Variants in UGT2B7 observed in about 807,000 individuals in gnomAD.
The protein encoded by UGT2B7 is UDP glucuronosyltransferase family 2 member B7.
UGT2B7 carries 51 observed loss-of-function variants against 51.9 expected under a neutral mutation model. That is an observed-to-expected ratio of 0.98 (90% CI 0.78 to 1.24). The LOEUF (loss-of-function observed/expected upper bound fraction) is 1.24. UGT2B7 is among the 50% of genes most tolerant of loss of function. The probability of loss-of-function intolerance (pLI) is 0.00; values close to 1 mark genes in which losing one functional copy is unlikely to be tolerated. For synonymous variants in UGT2B7, 225 were observed against 211.6 expected, an observed-to-expected ratio of 1.06 and a Z score of -0.55; for missense variants, 727 against 628.4, an observed-to-expected ratio of 1.16 and a Z score of -1.68.
In UGT2B7 at chr4:69,081,075, G is replaced by T. The variant is rs201078418; in HGVS notation, c.-158-8397G>T. Among the ~76,000 whole-genome samples, 18 of 152,238 alleles carry T rather than the reference G, an allele frequency of 1.2e-4. No individual in the cohort carries two copies. The East Asian group carries it at 3.1e-3, about 26-fold the overall frequency. On this transcript the variant is annotated intron_variant, in intron 1 of 5. Transcript: ENST00000502942. ...AGGAAGTTATAATTATTTACATAGA[G>T]AAATATTATTACTAAATTAATCACT...
At chr4:69,062,132 C>G (rs1200320546) in intron 1 of UGT2B7, among the ~76,000 whole-genome samples, 2 of 152,090 alleles carry the variant, frequency 1.3e-5, no homozygotes, top group African/African-American at 4.8e-5. Flanking sequence ...AGCACATGAA[C>G]CAGATACTCA....
rs758473436 is a variant in UGT2B7, at chr4:69,096,778, G to A, written c.258G>A (p.Leu86=). ...CCACATCTTTAACTAAAACTGAGTT[G>A]GAGAATTTCATCATGCAACAGATTA... is the stretch of plus-strand genomic sequence containing the variant. ...IYPTSLTKTE[L]ENFIMQQIKR... is the part of the protein sequence containing the mutation. Residue 86 remains leucine, a synonymous_variant, in exon 1 of 6, where the codon TTG becomes TTA. Transcript: ENST00000305231. 4.6e-5 allele frequency: 74 copies of A among 1,613,832 alleles called. 1 individual carries two copies. In the Admixed American group the frequency reaches 1.2e-3, roughly 26 times the overall value.
intron 1 of UGT2B7, among the ~76,000 whole-genome samples, chr4:69,083,799 C>A (rs1428380947): frequency 6.6e-6 from 1 of 151,938 alleles, no homozygotes; most frequent in African/African-American, 2.4e-5. Flanking sequence ...TTAGGATTTT[C>A]TGTGTATAAA....
chr4:69,104,459 T>A (rs1187236237), intron 3 of UGT2B7, among the ~76,000 whole-genome samples: 1 of 152,108 alleles, frequency 6.6e-6, no homozygotes, highest in Non-Finnish European at 1.5e-5. Flanking sequence ...AAAAATAAAC[T>A]TTATGGATAT....
chr4:69,054,448 A>C (rs1408127089), intron 1 of UGT2B7, among the ~76,000 whole-genome samples: 1 of 152,186 alleles, frequency 6.6e-6, no homozygotes, highest in East Asian at 1.9e-4. Context: ...ATACTAAAGG[A>C]CACCATTAGC....
At chr4:69,062,826 A>C (rs942817494) in intron 1 of UGT2B7, among the ~76,000 whole-genome samples, 5 of 152,192 alleles carry the variant, frequency 3.3e-5, no homozygotes, top group African/African-American at 1.2e-4. Context: ...AGATGAATAA[A>C]TGTGGCCAGA....
chr4:69,054,147 A>T (rs1447151514), intron 1 of UGT2B7, among the ~76,000 whole-genome samples: 1 of 143,446 alleles, frequency 7.0e-6, no homozygotes, highest in Non-Finnish European at 1.5e-5. Flanking sequence ...TTCATGAGTT[A>T]AAAAAAAAAA....
intron 1 of UGT2B7, among the ~76,000 whole-genome samples, chr4:69,064,989 A>T (rs1290027758): frequency 6.6e-6 from 1 of 152,152 alleles, no homozygotes; most frequent in Non-Finnish European, 1.5e-5. Context: ...CTGCCCTGCC[A>T]TTCAATTCTA....
chr4:69,100,886 G>A (rs1160210826), intron 2 of UGT2B7, among the ~76,000 whole-genome samples: 1 of 152,136 alleles, frequency 6.6e-6, no homozygotes, highest in African/African-American at 2.4e-5. Context: ...AAAGACACTT[G>A]ACAAAATGTA....
chr4:69,085,875 A>G (rs984581890), intron 1 of UGT2B7, among the ~76,000 whole-genome samples: 1 of 151,358 alleles, frequency 6.6e-6, no homozygotes, highest in Non-Finnish European at 1.5e-5. Flanking sequence ...GTTGTTATGT[A>G]TCCTTTTCAT....
rs1409497478 is a variant in UGT2B7, at chr4:69,096,674, G to T, written c.154G>T (p.Glu52Ter). The T allele has an allele frequency of 6.2e-7, 1 of 1,614,016 alleles. No homozygotes were observed. Among genetic ancestry groups the T allele is most frequent in the East Asian group, 2.2e-5 (1 of 44,864 alleles). ...GGATGAGCTTATTCAGAGAGGTCAT[G>T]AGGTGACTGTACTGGCATCTTCAGC... ...ILDELIQRGH[E>*]VTVLASSASI... Residue 52 changes from glutamate to a stop codon, truncating the protein, a stop_gained, in exon 1 of 6, where the codon GAG becomes TAG. Transcript: ENST00000305231. LOFTEE classifies it high-confidence loss of function.
intron 1 of UGT2B7, among the ~76,000 whole-genome samples, chr4:69,056,821 T>G (rs1718214629): frequency 6.6e-6 from 1 of 151,928 alleles, no homozygotes; most frequent in Non-Finnish European, 1.5e-5. Context: ...GAGTGAGAAC[T>G]CCCGCTAATA....
At chr4:69,079,701 T>C (rs1002637248) in intron 1 of UGT2B7, among the ~76,000 whole-genome samples, 1 of 152,154 alleles carries the variant, frequency 6.6e-6, no homozygotes, top group Non-Finnish European at 1.5e-5. Context: ...AAAATCATTG[T>C]AGTCACGAAA....
In UGT2B7 at chr4:69,112,742, T is replaced by G; in HGVS notation, c.*6T>G. On this transcript the variant is annotated 3_prime_UTR_variant, in exon 6 of 6. Coordinates refer to ENST00000305231, the MANE Select transcript of UGT2B7 (RefSeq NM_001074.4). Reference sequence around the variant, plus strand: ...AGAAGGGAAAAAATGATTAGTTATATCTGAGATTTGAAGCTGGAAAACCTG... The same window carrying G: ...AGAAGGGAAAAAATGATTAGTTATAGCTGAGATTTGAAGCTGGAAAACCTG... 6.2e-7 allele frequency: 1 copy of G among 1,613,246 alleles called. No homozygotes were observed. The highest frequency in any genetic ancestry group is 8.5e-7 in the Non-Finnish European group (1 of 1,179,718).
intron 1 of UGT2B7, among the ~76,000 whole-genome samples, chr4:69,053,150 T>G (rs1336097171): frequency 6.6e-6 from 1 of 152,126 alleles, no homozygotes; most frequent in African/African-American, 2.4e-5. Flanking sequence ...CATGAAAAAT[T>G]AGATAAATAT....
chr4:69,058,258 T>C (rs1438068676), intron 1 of UGT2B7, among the ~76,000 whole-genome samples: 2 of 152,116 alleles, frequency 1.3e-5, no homozygotes, highest in African/African-American at 4.8e-5. Flanking sequence ...TACCCACCTT[T>C]ACCCAGAGTT....
At chr4:69,063,917 G>T (rs191252291) in intron 1 of UGT2B7, among the ~76,000 whole-genome samples, 1 of 151,760 alleles carries the variant, frequency 6.6e-6, no homozygotes, top group African/African-American at 2.4e-5. Context: ...GTATCAACCC[G>T]TACCAAACAG....
chr4:69,056,631 A>C (rs4481286), intron 1 of UGT2B7, among the ~76,000 whole-genome samples: 70,266 of 151,976 alleles, frequency 0.46, 17,799 homozygotes, highest in African/African-American at 0.67. Flanking sequence ...TAAAACTCTT[A>C]TAATAAGAGT....
chr4:69,106,436 CT>C (rs1719602204), intron 3 of UGT2B7, among the ~76,000 whole-genome samples: 1 of 152,012 alleles, frequency 6.6e-6, no homozygotes, highest in Non-Finnish European at 1.5e-5. Context: ...TAATTTTGTT[CT>C]TTTTTATGAC....
Sources: allele counts gnomAD v4.1 joint callset (sites outside exome capture counted in the v4.1 genomes callset), GRCh38; gene constraint gnomAD v4.1.1; transcripts MANE v1.5; gene names NCBI Gene and HGNC (gene_info 2026-07-23, HGNC 2026-07-21).